The following CSNK2A1 variants were observed in gnomAD, a reference collection of about 807,000 sequenced individuals.
CSNK2A1 encodes casein kinase II subunit alpha.
A neutral mutation model predicts 62.9 loss-of-function variants in CSNK2A1; 10 were observed. The observed-to-expected ratio is 0.16, with a 90% confidence interval of 0.10 to 0.27. The LOEUF (loss-of-function observed/expected upper bound fraction) is 0.27. Among genes scored for constraint, CSNK2A1 ranks in the 10% least tolerant of loss-of-function variants. The probability of loss-of-function intolerance (pLI) is 1.00; values close to 1 mark genes in which losing one functional copy is unlikely to be tolerated. For missense variants in CSNK2A1, 160 were observed against 492.0 expected (o/e 0.33, Z 6.38); for synonymous variants, 124 against 167.8 (o/e 0.74, Z 2.02).
chr20:535,341 T>C lies in CSNK2A1; in HGVS notation c.-226-7292A>G, dbSNP rs183104368. On this transcript the variant is annotated intron_variant, in intron 1 of 13. Coordinates refer to ENST00000217244, the MANE Select transcript of CSNK2A1 (RefSeq NM_177559.3). The stretch of plus-strand genomic sequence containing the variant: ...TTGATAACCTTCTCACAATAAATTA[T>C]GTGGCAAAATACATGCTTGAATACT... 3.9e-4 allele frequency among the ~76,000 whole-genome samples: 60 copies of C among 152,374 alleles called. No individual in the cohort carries two copies. The East Asian group carries it at 8.7e-3, about 22-fold the overall frequency.
intron 1 of CSNK2A1, among the ~76,000 whole-genome samples, chr20:536,248 C>A (rs2019321375): frequency 6.6e-6 from 1 of 152,136 alleles, no homozygotes; most frequent in Admixed American, 6.5e-5. Context: ...AAAATAAGAA[C>A]TCTTGGCAGC....
At chr20:535,177 G>A (rs112595176) in intron 1 of CSNK2A1, among the ~76,000 whole-genome samples, 98 of 151,766 alleles carry the variant, frequency 6.5e-4, no homozygotes, top group African/African-American at 2.3e-3. Context: ...GCAACATGGT[G>A]AGACCTTGTC....
intron 1 of CSNK2A1, chr20:541,134 A>G (rs973320768): frequency 1.3e-5 from 2 of 152,218 alleles, no homozygotes; most frequent in African/African-American, 4.8e-5. Context: ...CTCATGCTTC[A>G]AATCTCTGAT....
At chr20:506,750 CAGGT>C (rs2018610536) in intron 3 of CSNK2A1, 1 of 152,152 alleles carries the variant, frequency 6.6e-6, no homozygotes, top group African/African-American at 2.4e-5. Context: ...ATAATCATGG[CAGGT>C]GTAGGGGAAG....
At chr20:508,371 T>G in intron 3 of CSNK2A1, 80 bp downstream of exon 3, 1 of 1,490,626 alleles carries the variant, frequency 6.7e-7, no homozygotes, top group Non-Finnish European at 9.2e-7. Flanking sequence ...GTCACGGAGG[T>G]TTTCTGACAA....
chr20:488,833 C>A (rs963460433), intron 10 of CSNK2A1, 55 bp from the exon 11 acceptor site: 3 of 1,462,142 alleles, frequency 2.1e-6, no homozygotes, highest in South Asian at 2.4e-5. Context: ...ATTAACAAAT[C>A]AACAATTAAC....
At position 476,830 on chromosome 20, in the gene CSNK2A1, CAA is replaced by C. The variant is rs1471272069; in HGVS notation, c.*7129_*7130del. The C allele has an allele frequency of 6.6e-6, 1 of 152,288 alleles. No individual in the cohort carries two copies. 9.4% of individuals were successfully genotyped at this position (152,288 alleles called of 1,614,324 possible). A position where few individuals can be genotyped will look rare whatever the true frequency, so the allele number is the denominator to read the frequency against. On this transcript the variant is annotated 3_prime_UTR_variant, in exon 14 of 14. Transcript: ENST00000217244. ...AAGTGAGTCGCCCGCCTCCACCTCTCAAAGTGCTGAGATTACAGGTGTGAGCC... is the reference window on the plus strand; with the variant it reads ...AAGTGAGTCGCCCGCCTCCACCTCTCAGTGCTGAGATTACAGGTGTGAGCC...
chr20:500,796 G>A (rs2018449974), intron 4 of CSNK2A1: 1 of 151,858 alleles, frequency 6.6e-6, no homozygotes, highest in East Asian at 1.9e-4. Context: ...CCGCCACCAG[G>A]CCAGGCTAAT....
At chr20:525,939 A>T (rs1484077279) in intron 2 of CSNK2A1, among the ~76,000 whole-genome samples, 1 of 150,982 alleles carries the variant, frequency 6.6e-6, no homozygotes, top group Admixed American at 6.6e-5. Flanking sequence ...TAGGAGGTGG[A>T]GGCTGCAGTG....
At chr20:510,991 T>C (rs1349610381) in intron 2 of CSNK2A1, among the ~76,000 whole-genome samples, 2 of 151,928 alleles carry the variant, frequency 1.3e-5, no homozygotes, top group South Asian at 2.1e-4. Flanking sequence ...CAAAGTACTG[T>C]GATTATAGGA....
intron 6 of CSNK2A1, 43 bp from the exon 7 acceptor site, chr20:497,823 A>G (rs1332733720): frequency 6.3e-7 from 1 of 1,575,754 alleles, no homozygotes; most frequent in African/African-American, 1.4e-5. Flanking sequence ...ATGCTGACAG[A>G]AAGGCATTTT....
intron 1 of CSNK2A1, chr20:539,832 C>T (rs1365158661): frequency 2.0e-5 from 3 of 152,200 alleles, no homozygotes; most frequent in African/African-American, 7.2e-5. Context: ...GTTCTGGGGA[C>T]AAAACAGTAA....
chr20:488,140 A>G, intron 11 of CSNK2A1: 1 of 162,404 alleles, frequency 6.2e-6, no homozygotes, highest in Non-Finnish European at 1.3e-5. Context: ...CCTGGGCTCA[A>G]GGGAAGCTCC....
chr20:499,124 T>C lies in CSNK2A1; in HGVS notation c.366+131A>G, dbSNP rs1192042777. On this transcript the variant is annotated intron_variant, in intron 6 of 13. Transcript: ENST00000217244. This position sits in a 1 kb window ranked among gnomAD's most constrained non-coding sequence, Gnocchi z 4.2. ...TGCTTATATAGGAGTTCTTCTATCT[T>C]AAAATTTGCACTGTAAGGATGAAAA... 1 of 672,306 alleles carries C rather than the reference T, an allele frequency of 1.5e-6. No individual in the cohort carries two copies. The highest frequency in any genetic ancestry group is 2.3e-6 in the Non-Finnish European group (1 of 442,842). 41.6% of individuals were successfully genotyped at this position (672,306 alleles called of 1,614,324 possible). A position where few individuals can be genotyped will look rare whatever the true frequency, so the allele number is the denominator to read the frequency against.
At chr20:492,666 T>C (rs943398414) in intron 8 of CSNK2A1, 1 of 279,472 alleles carries the variant, frequency 3.6e-6, no homozygotes, top group Non-Finnish European at 6.7e-6. Flanking sequence ...CCTTAACTTT[T>C]GGAATATTTA....
intron 4 of CSNK2A1, chr20:502,868 C>T (rs1309718163): frequency 6.6e-6 from 1 of 152,124 alleles, no homozygotes; most frequent in Admixed American, 6.6e-5. Context: ...CTCCTCTTTT[C>T]TTATCTTGGT....
Position 482,324 on chromosome 20 carries a change from T to C in CSNK2A1, c.*1637A>G, listed in dbSNP as rs933857742. 2 of 152,200 alleles carry C rather than the reference T, an allele frequency of 1.3e-5. No homozygotes were observed. The highest frequency in any genetic ancestry group is 2.9e-5 in the Non-Finnish European group (2 of 68,036). The allele number at this position is 152,200 out of a possible 1,614,324, so 9.4% of individuals were successfully genotyped here. On this transcript the variant is annotated 3_prime_UTR_variant, in exon 14 of 14. Coordinates refer to ENST00000217244, the MANE Select transcript of CSNK2A1 (RefSeq NM_177559.3). ...AATACAGAGCTGATGGTTTTGCTAT[T>C]GTGCTTAAAAAACTAGGCTTCCTCA...
chr20:505,108 T>C lies in CSNK2A1; in HGVS notation c.213+10A>G, dbSNP rs752419668. On this transcript the variant is annotated intron_variant, in intron 4 of 13. Transcript: ENST00000217244. ...TTCCAAATACCTCTGAAATTATCTC[T>C]TGTACTCACCTTGAGAATTTTAACA... 1 of 1,603,228 alleles carries C rather than the reference T, an allele frequency of 6.2e-7. No individual in the cohort carries two copies. Among genetic ancestry groups the C allele is most frequent in the South Asian group, 1.1e-5 (1 of 89,536 alleles).
At chr20:536,716 G>A (rs1266028391) in intron 1 of CSNK2A1, among the ~76,000 whole-genome samples, 1 of 152,100 alleles carries the variant, frequency 6.6e-6, no homozygotes, top group Non-Finnish European at 1.5e-5. Flanking sequence ...AAGCAAATAG[G>A]AGTTATTATA....
Sources: gnomAD v4.1 joint callset for allele counts (sites outside exome capture counted in the v4.1 genomes callset) on GRCh38, gnomAD v4.1.1 for gene constraint, Gnocchi (gnomAD v3.1) non-coding constraint, MANE v1.5 for transcripts, NCBI Gene and HGNC (gene_info 2026-07-23, HGNC 2026-07-21) for gene names.